The following COLQ variants were observed in gnomAD, a reference collection of about 807,000 sequenced individuals.
The protein encoded by COLQ is collagen like tail subunit of asymmetric acetylcholinesterase, also known as acetylcholinesterase collagenic tail peptide.
A neutral mutation model predicts 69.0 loss-of-function variants in COLQ; 48 were observed. That is an observed-to-expected ratio of 0.70 (90% confidence interval 0.55 to 0.88). The LOEUF (loss-of-function observed/expected upper bound fraction) is 0.88. Among genes scored for constraint, COLQ ranks in the 40% least tolerant of loss-of-function variants. The pLI is 0.00. For synonymous variants in COLQ, 217 were observed against 211.2 expected, an observed-to-expected ratio of 1.03 and a Z score of -0.24; for missense variants, 618 against 594.6, an observed-to-expected ratio of 1.04 and a Z score of -0.41.
intron 11 of COLQ, 97 bp downstream of exon 11, chr3:15,470,439 A>C: frequency 9.1e-7 from 1 of 1,100,344 alleles, no homozygotes; most frequent in Non-Finnish European, 1.4e-6. Flanking sequence ...CAAGGTCTAC[A>C]GAATATCTCT....
intron 2 of COLQ, among the ~76,000 whole-genome samples, chr3:15,488,553 C>T (rs541533034): frequency 2.2e-4 from 34 of 152,222 alleles, no homozygotes; most frequent in African/African-American, 7.0e-4. Context: ...AGTTTGGAAG[C>T]TCATTTCAGG....
At chr3:15,468,321 GTTTTTTTTTTTTT>G (rs540716062) in intron 11 of COLQ, among the ~76,000 whole-genome samples, 2 of 71,258 alleles carry the variant, frequency 2.8e-5, no homozygotes, top group African/African-American at 5.4e-5. Flanking sequence ...AGTTACTGAA[GTTTTTTTTTTTTT>G]TTTTTTTTTT....
At position 15,458,080 on chromosome 3, in the gene COLQ, C is replaced by T. The variant is rs551641780; in HGVS notation, c.954+106G>A. On this transcript the variant is annotated intron_variant, in intron 13 of 16. Coordinates refer to ENST00000383788, the MANE Select transcript of COLQ (RefSeq NM_005677.4). Reference sequence around the variant, plus strand: ...CCTATAATGAGGGTGTACTCAGAGTCGTGAAAAAAAGTTAGTTTTACTGAA... The same window carrying T: ...CCTATAATGAGGGTGTACTCAGAGTTGTGAAAAAAAGTTAGTTTTACTGAA... 55 of 1,257,574 alleles carry T rather than the reference C, an allele frequency of 4.4e-5. No homozygotes were observed. In the East Asian group the frequency reaches 4.4e-4, roughly 10 times the overall value. 77.9% of individuals were successfully genotyped at this position (1,257,574 alleles called of 1,614,324 possible). A position where few individuals can be genotyped will look rare whatever the true frequency, so the allele number is the denominator to read the frequency against.
intron 1 of COLQ, among the ~76,000 whole-genome samples, chr3:15,517,292 A>T (rs2063076104): frequency 6.6e-6 from 1 of 152,188 alleles, no homozygotes; most frequent in Admixed American, 6.5e-5. Context: ...AAGAAGCAGG[A>T]TTTCAGTCTC....
chr3:15,500,214 G>T (rs568023730), intron 1 of COLQ, among the ~76,000 whole-genome samples: 1 of 152,248 alleles, frequency 6.6e-6, no homozygotes, highest in South Asian at 2.1e-4. Context: ...TCCTTCTCTG[G>T]GGAATTCCCC....
Position 15,454,651 on chromosome 3 carries a change from G to GTT in COLQ, c.1196-722_1196-721dup, listed in dbSNP as rs56053367. Among the ~76,000 whole-genome samples the GTT allele has an allele frequency of 6.9e-3, 811 of 118,056 alleles. 24 individuals carry two copies. Among genetic ancestry groups the GTT allele is most frequent in the African/African-American group, 0.021 (597 of 28,392 alleles). 77.4% of individuals were successfully genotyped at this position (118,056 alleles called of 152,430 possible). A position where few individuals can be genotyped will look rare whatever the true frequency, so the allele number is the denominator to read the frequency against. ...TGCCCTGTCATCCTTCCCCTGAACT[G>GTT]TTTTTTTTTTTTTTTTTTTTTTGAG... On this transcript the variant is annotated intron_variant, in intron 15 of 16. Coordinates refer to ENST00000383788, the MANE Select transcript of COLQ (RefSeq NM_005677.4).
chr3:15,483,391 C>T (rs1041801820), intron 3 of COLQ, among the ~76,000 whole-genome samples: 4 of 152,196 alleles, frequency 2.6e-5, no homozygotes, highest in African/African-American at 7.2e-5. Flanking sequence ...TAAATGTGTC[C>T]CAGAGATTCT....
chr3:15,451,525 G>C lies in COLQ; in HGVS notation c.*119C>G. On this transcript the variant is annotated 3_prime_UTR_variant, in exon 17 of 17. Coordinates refer to ENST00000383788, the MANE Select transcript of COLQ (RefSeq NM_005677.4). ...CAGCATGTCTTAGTAGCAGGAATTT[G>C]TCCTTGTTTTTGTCACACAAAGGTT... is the stretch of plus-strand genomic sequence containing the variant. 2.2e-6 allele frequency: 2 copies of C among 930,100 alleles called. No homozygotes were observed. Among genetic ancestry groups the C allele is most frequent in the Non-Finnish European group, 3.6e-6 (2 of 555,856 alleles). 57.6% of individuals were successfully genotyped at this position (930,100 alleles called of 1,614,324 possible).
chr3:15,451,731 A>T lies in COLQ; in HGVS notation c.1299-18T>A. The T allele has an allele frequency of 6.2e-7, 1 of 1,611,834 alleles. No homozygotes were observed. Among genetic ancestry groups the T allele is most frequent in the Non-Finnish European group, 8.5e-7 (1 of 1,178,268 alleles). On this transcript the variant is annotated intron_variant, in intron 16 of 16. Coordinates refer to ENST00000383788, the MANE Select transcript of COLQ (RefSeq NM_005677.4). ...CATATGACCTGAGGGAGGCAAAGAC[A>T]CGTTCTAAAAGGCCACCTCTTATAT...
At chr3:15,503,801 T>A (rs775220674) in intron 1 of COLQ, among the ~76,000 whole-genome samples, 1 of 152,054 alleles carries the variant, frequency 6.6e-6, no homozygotes, top group Non-Finnish European at 1.5e-5. Flanking sequence ...TTCTGGAGGT[T>A]CAGTTACCAG....
At chr3:15,483,371 C>G (rs534929334) in intron 3 of COLQ, among the ~76,000 whole-genome samples, 22 of 152,298 alleles carry the variant, frequency 1.4e-4, no homozygotes, top group African/African-American at 5.3e-4. Context: ...TTTCCCCCTA[C>G]ACACTGCTTT....
intron 1 of COLQ, among the ~76,000 whole-genome samples, chr3:15,505,885 C>T (rs1383584271): frequency 6.6e-6 from 1 of 152,232 alleles, no homozygotes; most frequent in Non-Finnish European, 1.5e-5. Flanking sequence ...TCTATAGGCA[C>T]TTGTAATTCA....
intron 6 of COLQ, 89 bp downstream of exon 6, chr3:15,477,037 C>G: frequency 7.9e-7 from 1 of 1,264,076 alleles, no homozygotes; most frequent in Non-Finnish European, 1.1e-6. Flanking sequence ...GAAGGGATTC[C>G]CTGACTATGT....
intron 1 of COLQ, among the ~76,000 whole-genome samples, chr3:15,514,156 C>T (rs1280187646): frequency 6.6e-6 from 1 of 152,124 alleles, no homozygotes; most frequent in Non-Finnish European, 1.5e-5. Flanking sequence ...GCCTTGGCGA[C>T]ACCTTGATTT....
At chr3:15,507,622 T>A (rs2062929004) in intron 1 of COLQ, among the ~76,000 whole-genome samples, 2 of 152,126 alleles carry the variant, frequency 1.3e-5, no homozygotes, top group African/African-American at 4.8e-5. Context: ...GCCCAACTAA[T>A]TTTTTGTATT....
chr3:15,462,246 T>C (rs750356010), intron 12 of COLQ, among the ~76,000 whole-genome samples: 1 of 151,984 alleles, frequency 6.6e-6, no homozygotes, highest in Admixed American at 6.6e-5. Flanking sequence ...GCCAGGCTGG[T>C]CTCAAACTTC....
rs930556294 is a variant in COLQ, at chr3:15,450,417, G to C, written c.*1227C>G. On this transcript the variant is annotated 3_prime_UTR_variant, in exon 17 of 17. Transcript: ENST00000383788. Reference sequence around the variant, plus strand: ...AATAGCTTCGTACAAAAACCCAAGGGTGTCCCTCCAGCTGGTAAAAATTGG... The same window carrying C: ...AATAGCTTCGTACAAAAACCCAAGGCTGTCCCTCCAGCTGGTAAAAATTGG... 1 of 153,760 alleles carries C rather than the reference G, an allele frequency of 6.5e-6. No homozygotes were observed. The highest frequency in any genetic ancestry group is 1.5e-5 in the Non-Finnish European group (1 of 68,054). 9.5% of individuals were successfully genotyped at this position (153,760 alleles called of 1,614,324 possible). A position where few individuals can be genotyped will look rare whatever the true frequency, so the allele number is the denominator to read the frequency against.
At chr3:15,498,640 C>A (rs1375027009) in intron 1 of COLQ, 1 of 1,551,340 alleles carries the variant, frequency 6.4e-7, no homozygotes, top group Admixed American at 2.0e-5. Context: ...CGGAGACAGG[C>A]TGAGATTCGT....
intron 8 of COLQ, 26 bp downstream of exon 8, chr3:15,474,899 G>C: frequency 6.2e-7 from 1 of 1,613,946 alleles, no homozygotes; most frequent in Non-Finnish European, 8.5e-7. Context: ...CCAGGCTCTA[G>C]GACACCATCC....
Sources: gnomAD v4.1 joint callset for allele counts (sites outside exome capture counted in the v4.1 genomes callset) on GRCh38, gnomAD v4.1.1 for gene constraint, MANE v1.5 for transcripts, NCBI Gene and HGNC (gene_info 2026-07-23, HGNC 2026-07-21) for gene names.